ITGA9: variants seen among roughly 807,000 people sequenced by gnomAD.
The protein encoded by ITGA9 is integrin subunit alpha 9.
ITGA9 carries 56 observed loss-of-function variants against 127.8 expected under a neutral mutation model. The observed-to-expected ratio is 0.44, with a 90% CI of 0.35 to 0.55. The LOEUF is 0.55. Among genes scored for constraint, ITGA9 ranks in the 20% least tolerant of loss-of-function variants. The pLI, the probability that ITGA9 is intolerant of heterozygous loss-of-function variation, is 0.00. For synonymous variants in ITGA9, 508 were observed against 514.5 expected (o/e 0.99, Z 0.17); for missense variants, 1,196 against 1,347.1 (o/e 0.89, Z 1.76).
chr3:37,699,025 G>A (rs1379395997), intron 18 of ITGA9, among the ~76,000 whole-genome samples: 1 of 152,140 alleles, frequency 6.6e-6, no homozygotes, highest in Admixed American at 6.5e-5. Context: ...CTCCTGTGCT[G>A]TGGTACACTC....
At chr3:37,751,759 A>C (rs975375721) in intron 23 of ITGA9, among the ~76,000 whole-genome samples, 2 of 152,020 alleles carry the variant, frequency 1.3e-5, no homozygotes, top group South Asian at 2.1e-4. Flanking sequence ...CAGATACCCA[A>C]GTGGTGTGAG....
intron 1 of ITGA9, among the ~76,000 whole-genome samples, chr3:37,464,410 A>C (rs1168656713): frequency 6.6e-6 from 1 of 151,996 alleles, no homozygotes; most frequent in Non-Finnish European, 1.5e-5. Context: ...TGTTTGACCT[A>C]CTACTGCCCA....
chr3:37,470,226 A>G (rs1698414805), intron 1 of ITGA9, among the ~76,000 whole-genome samples: 1 of 147,690 alleles, frequency 6.8e-6, no homozygotes, highest in Non-Finnish European at 1.5e-5. Context: ...TCTATTAGGT[A>G]TAGTCCTAGA....
chr3:37,470,332 T>C (rs1260990439), intron 1 of ITGA9, among the ~76,000 whole-genome samples: 1 of 152,212 alleles, frequency 6.6e-6, no homozygotes, highest in Non-Finnish European at 1.5e-5. Context: ...ATACTGCCAC[T>C]AGCAGTGTAT....
chr3:37,600,321 C>T, intron 15 of ITGA9, among the ~76,000 whole-genome samples: 1 of 152,128 alleles, frequency 6.6e-6, no homozygotes, highest in East Asian at 1.9e-4. Flanking sequence ...GAGAACCACC[C>T]ATCACCTCTG....
chr3:37,650,636 T>A (rs148703527), intron 16 of ITGA9, among the ~76,000 whole-genome samples: 2,728 of 152,102 alleles, frequency 0.018, 74 homozygotes, highest in African/African-American at 0.062. Flanking sequence ...TTCACCAAGT[T>A]GGCCAGGCTG....
intron 15 of ITGA9, among the ~76,000 whole-genome samples, chr3:37,617,658 G>C (rs1204975771): frequency 6.6e-6 from 1 of 151,648 alleles, no homozygotes; most frequent in East Asian, 1.9e-4. Flanking sequence ...GGCTTTGTTC[G>C]TTTCTTTTTA....
intron 16 of ITGA9, among the ~76,000 whole-genome samples, chr3:37,631,140 C>T (rs1210895303): frequency 6.6e-6 from 1 of 152,250 alleles, no homozygotes; most frequent in East Asian, 1.9e-4. Context: ...TAAACTTACC[C>T]ATACTTGGGT....
intron 9 of ITGA9, among the ~76,000 whole-genome samples, chr3:37,515,301 G>T (rs548038587): frequency 2.0e-5 from 3 of 152,144 alleles, no homozygotes; most frequent in Non-Finnish European, 2.9e-5. Flanking sequence ...TAAAAAAATC[G>T]AAGTGTACTG....
intron 19 of ITGA9, among the ~76,000 whole-genome samples, chr3:37,733,731 A>G (rs142019156): frequency 6.6e-6 from 1 of 152,196 alleles, no homozygotes; most frequent in Non-Finnish European, 1.5e-5. Flanking sequence ...ATGCACCTCG[A>G]TCTTGGACTT....
chr3:37,722,919 T>A (rs1701206129), intron 18 of ITGA9, among the ~76,000 whole-genome samples: 1 of 152,230 alleles, frequency 6.6e-6, no homozygotes, highest in Admixed American at 6.5e-5. Flanking sequence ...ACTATACTAT[T>A]TTACATTCCC....
At chr3:37,780,883 C>G (rs887445021) in intron 25 of ITGA9, among the ~76,000 whole-genome samples, 8 of 152,168 alleles carry the variant, frequency 5.3e-5, no homozygotes, top group Non-Finnish European at 1.5e-5. Flanking sequence ...CTGGCTGCCC[C>G]TTTTGAAACT....
At chr3:37,757,480 A>C (rs1332293531) in intron 23 of ITGA9, among the ~76,000 whole-genome samples, 1 of 151,756 alleles carries the variant, frequency 6.6e-6, no homozygotes, top group Non-Finnish European at 1.5e-5. Context: ...CAGACAAGGA[A>C]GTAAGACCTT....
intron 26 of ITGA9, among the ~76,000 whole-genome samples, chr3:37,788,545 A>G (rs895040864): frequency 2.6e-5 from 4 of 152,150 alleles, no homozygotes; most frequent in Admixed American, 2.6e-4. Context: ...AAGAAATTCA[A>G]TCTCAAAGAG....
At chr3:37,582,045 G>C (rs1699714724) in intron 15 of ITGA9, among the ~76,000 whole-genome samples, 1 of 152,106 alleles carries the variant, frequency 6.6e-6, no homozygotes, top group African/African-American at 2.4e-5. Flanking sequence ...CCATAATTCA[G>C]ACTACGACAG....
At chr3:37,670,714 A>G (rs1396806451) in intron 17 of ITGA9, among the ~76,000 whole-genome samples, 1 of 152,186 alleles carries the variant, frequency 6.6e-6, no homozygotes, top group Non-Finnish European at 1.5e-5. Context: ...GTTTTTTTTA[A>G]AGCATATTGC....
chr3:37,729,558 T>C (rs1696260549), intron 18 of ITGA9, among the ~76,000 whole-genome samples: 1 of 152,214 alleles, frequency 6.6e-6, no homozygotes, highest in Non-Finnish European at 1.5e-5. Flanking sequence ...GAGCAGCTTT[T>C]GAATGATCAA....
intron 23 of ITGA9, among the ~76,000 whole-genome samples, chr3:37,775,497 T>A (rs1025012017): frequency 2.0e-5 from 3 of 151,642 alleles, no homozygotes; most frequent in African/African-American, 7.3e-5. Context: ...CAAAAAAAAA[T>A]TAGCCGGGCA....
intron 18 of ITGA9, among the ~76,000 whole-genome samples, chr3:37,720,309 C>T (rs1001104529): frequency 6.6e-6 from 1 of 152,176 alleles, no homozygotes; most frequent in Non-Finnish European, 1.5e-5. Flanking sequence ...CATTTGACTC[C>T]CGCATAACCT....
Sources: gnomAD v4.1 joint callset for allele counts (sites outside exome capture counted in the v4.1 genomes callset) on GRCh38, gnomAD v4.1.1 for gene constraint, MANE v1.5 for transcripts, NCBI Gene and HGNC (gene_info 2026-07-23, HGNC 2026-07-21) for gene names.